The following PCDHGA3 variants were observed in gnomAD, a reference collection of about 807,000 sequenced individuals.
PCDHGA3 encodes the protein protocadherin gamma subfamily A, 3.
Under a neutral mutation model 58.5 loss-of-function variants are expected in PCDHGA3, and 40 were observed. That is an observed-to-expected ratio of 0.68 (90% CI 0.53 to 0.89). The LOEUF is 0.89. Among genes scored for constraint, PCDHGA3 ranks in the 40% least tolerant of loss-of-function variants. The pLI, the probability that PCDHGA3 is intolerant of heterozygous loss-of-function variation, is 0.00. For missense variants in PCDHGA3, 1,223 were observed against 1,195.9 expected (o/e 1.02, Z -0.33); for synonymous variants, 530 against 525.7 (o/e 1.01, Z -0.11).
chr5:141,408,125 C>T, intron 1 of PCDHGA3: 1 of 1,478,650 alleles, frequency 6.8e-7, no homozygotes, highest in South Asian at 1.4e-5. Context: ...CTGTCCTGGG[C>T]CGAATGCTCT....
intron 1 of PCDHGA3, chr5:141,375,594 A>T: frequency 6.2e-7 from 1 of 1,613,890 alleles, no homozygotes; most frequent in Non-Finnish European, 8.5e-7. Flanking sequence ...CTGTCCTCCT[A>T]CGTGTCCATC....
chr5:141,428,204 C>G, intron 1 of PCDHGA3: 2 of 1,324,722 alleles, frequency 1.5e-6, no homozygotes, highest in Non-Finnish European at 1.1e-6. Context: ...TGCGCCGCTA[C>G]GCTTCACCTA....
At chr5:141,429,796 A>C (rs2097245618) in intron 1 of PCDHGA3, among the ~76,000 whole-genome samples, 1 of 152,216 alleles carries the variant, frequency 6.6e-6, no homozygotes, top group Non-Finnish European at 1.5e-5. Flanking sequence ...ATTACCAGTA[A>C]TTCTCAGTAA....
rs1312101699 is a variant in PCDHGA3 at position 141,421,245 on chromosome 5, G to C, written c.2425-73562G>C. ...AGCCTGCCATGGCGAATCGGCTACA[G>C]CGCGGGGACCGCAGTCGGCTGCTGC... On this transcript the variant is annotated intron_variant, in intron 1 of 3. Coordinates refer to ENST00000253812, the MANE Select transcript of PCDHGA3 (RefSeq NM_018916.4). 6.2e-7 allele frequency: 1 copy of C among 1,603,936 alleles called. No homozygotes were observed. The highest frequency in any genetic ancestry group is 8.5e-7 in the Non-Finnish European group (1 of 1,176,330).
At chr5:141,357,638 A>G (rs765041890) in intron 1 of PCDHGA3, 1 of 1,612,576 alleles carries the variant, frequency 6.2e-7, no homozygotes, top group Non-Finnish European at 8.5e-7. Context: ...CAATCTTATA[A>G]TAGATCATAC....
chr5:141,464,389 A>G (rs2099082481), intron 1 of PCDHGA3, among the ~76,000 whole-genome samples: 1 of 151,766 alleles, frequency 6.6e-6, no homozygotes, highest in Non-Finnish European at 1.5e-5. Flanking sequence ...AAAAATGCTA[A>G]TGAAGAACCT....
intron 1 of PCDHGA3, chr5:141,351,900 T>C: frequency 5.6e-6 from 9 of 1,613,414 alleles, no homozygotes; most frequent in Admixed American, 1.7e-5. Context: ...CTGCGCGTGT[T>C]GGTGGGCGAC....
chr5:141,350,767 C>T (rs1044213790), intron 1 of PCDHGA3: 5 of 1,613,936 alleles, frequency 3.1e-6, no homozygotes, highest in Non-Finnish European at 4.2e-6. Flanking sequence ...TATACACCAT[C>T]AACCCCAATC....
rs1168102648 is a variant in PCDHGA3 at position 141,344,367 on chromosome 5, G to T, written c.334G>T (p.Asp112Tyr). The T allele has an allele frequency of 6.2e-7, 1 of 1,613,568 alleles. No homozygotes were observed. The highest frequency in any genetic ancestry group is 8.5e-7 in the Non-Finnish European group (1 of 1,179,784). ...CLVKINILVE[D>Y]KLKIFEVEIE... The stretch of plus-strand genomic sequence containing the variant: ...GGTAAAAATTAACATTCTGGTTGAG[G>T]ATAAATTGAAAATTTTTGAAGTAGA... Residue 112 changes from aspartate (D) to tyrosine (Y), a missense_variant, in exon 1 of 4, where the codon GAT becomes TAT. By Grantham distance (160) the Asp-to-Tyr change is radical (BLOSUM62 -3). Around this residue, in one of 3 missense-constraint regions of PCDHGA3, gnomAD observed 791 missense variants for 708.5 expected, o/e 1.12. Transcript: ENST00000253812.
chr5:141,483,620 A>G (rs192148102), intron 1 of PCDHGA3, among the ~76,000 whole-genome samples: 472 of 151,650 alleles, frequency 3.1e-3, no homozygotes, highest in Non-Finnish European at 5.0e-3. Context: ...CATCATTCCC[A>G]TGGGAGAAGG....
chr5:141,409,143 G>A (rs778597273), intron 1 of PCDHGA3: 1 of 1,613,868 alleles, frequency 6.2e-7, no homozygotes, highest in African/African-American at 1.3e-5. Flanking sequence ...GATGTAGAAA[G>A]GTACACCATG....
intron 1 of PCDHGA3, chr5:141,374,095 G>C (rs774100259): frequency 6.4e-7 from 1 of 1,556,900 alleles, no homozygotes. Context: ...TGGCGCCTCC[G>C]CAGAGGCATC....
At chr5:141,450,556 G>T (rs534127421) in intron 1 of PCDHGA3, among the ~76,000 whole-genome samples, 1 of 151,940 alleles carries the variant, frequency 6.6e-6, no homozygotes, top group African/African-American at 2.4e-5. Flanking sequence ...GCGCAGTCTC[G>T]GCTCACTGCA....
At chr5:141,464,816 G>A (rs11167751) in intron 1 of PCDHGA3, among the ~76,000 whole-genome samples, 42,470 of 151,904 alleles carry the variant, frequency 0.28, 6,668 homozygotes, top group African/African-American at 0.43. Context: ...ATAGCTCACT[G>A]TAGCCTCGCA....
At chr5:141,352,389 G>T (rs768350578) in intron 1 of PCDHGA3, 5 of 1,614,006 alleles carry the variant, frequency 3.1e-6, no homozygotes, top group Non-Finnish European at 4.2e-6. Context: ...ATCGCCCTGC[G>T]CCTGCGACGT....
chr5:141,428,159 G>A (rs1377084529), intron 1 of PCDHGA3: 1 of 1,571,752 alleles, frequency 6.4e-7, no homozygotes, highest in East Asian at 2.2e-5. Context: ...GAACCTGCTG[G>A]TTGCTGTGCG....
Position 141,491,034 on chromosome 5 carries a change from T to C in PCDHGA3, c.2425-3773T>C, listed in dbSNP as rs375902824. On this transcript the variant is annotated intron_variant, in intron 1 of 3. Coordinates refer to ENST00000253812, the MANE Select transcript of PCDHGA3 (RefSeq NM_018916.4). The surrounding 1 kb of genome is among the most constrained non-coding windows in gnomAD (Gnocchi z 6.9). The stretch of plus-strand genomic sequence containing the variant: ...CCAAGGTGACAGCCGTGGATGCTGA[T>C]GCAGGCCACAATGCGTGGCTCTCCT... 19 of 1,614,170 alleles carry C rather than the reference T, an allele frequency of 1.2e-5. No homozygotes were observed. Among genetic ancestry groups the C allele is most frequent in the East Asian group, 4.5e-5 (2 of 44,894 alleles).
chr5:141,438,659 T>C (rs1290256383), intron 1 of PCDHGA3, among the ~76,000 whole-genome samples: 1 of 141,194 alleles, frequency 7.1e-6, no homozygotes, highest in East Asian at 2.1e-4. Flanking sequence ...CACATATATG[T>C]ATATATATAT....
At chr5:141,421,418 G>A (rs771088122) in intron 1 of PCDHGA3, 1 of 1,614,086 alleles carries the variant, frequency 6.2e-7, no homozygotes, top group Admixed American at 1.7e-5. Flanking sequence ...GCGAAGCGCG[G>A]AGTCCGCATC....
Sources: allele counts gnomAD v4.1 joint callset (sites outside exome capture counted in the v4.1 genomes callset), GRCh38; gene constraint gnomAD v4.1.1; regional missense constraint gnomAD v4.1.1; non-coding constraint Gnocchi (gnomAD v3.1); transcripts MANE v1.5; gene names NCBI Gene and HGNC (gene_info 2026-07-23, HGNC 2026-07-21).